KCNMA1: variants seen among roughly 807,000 people sequenced by gnomAD.
The protein encoded by KCNMA1 is potassium calcium-activated channel subfamily M alpha 1, also known as Calcium-activated potassium channel subunit alpha-1.
A neutral mutation model predicts 140.0 loss-of-function variants in KCNMA1; 29 were observed. The observed-to-expected ratio is 0.21, with a 90% CI of 0.15 to 0.28. KCNMA1 has a LOEUF of 0.28. Among genes scored for constraint, KCNMA1 ranks in the 10% least tolerant of loss-of-function variants. The pLI, the probability that KCNMA1 is intolerant of heterozygous loss-of-function variation, is 1.00. For synonymous variants in KCNMA1, 612 were observed against 611.9 expected, an observed-to-expected ratio of 1.00 and a Z score of 0.00; for missense variants, 880 against 1,602.2, an observed-to-expected ratio of 0.55 and a Z score of 7.70.
intron 18 of KCNMA1, chr10:77,008,270 G>A (rs758944576): frequency 7.0e-7 from 1 of 1,421,564 alleles, no homozygotes; most frequent in East Asian, 2.5e-5. Flanking sequence ...TCAAAGATAT[G>A]TCAATGATTT....
At chr10:77,249,426 C>A (rs1316856145) in intron 3 of KCNMA1, 1 of 151,924 alleles carries the variant, frequency 6.6e-6, no homozygotes, top group Non-Finnish European at 1.5e-5. Context: ...AGACACAATC[C>A]AAATCCATCT....
rs144186319 is a variant in KCNMA1, at chr10:77,162,588, G to A, written c.808+20833C>T. Among the ~76,000 whole-genome samples the A allele has an allele frequency of 3.7e-3, 561 of 152,212 alleles. 3 individuals are homozygous for A. The highest frequency in any genetic ancestry group is 0.013 in the African/African-American group (536 of 41,522). On this transcript the variant is annotated intron_variant, in intron 5 of 27. Coordinates refer to ENST00000286628, the MANE Select transcript of KCNMA1 (RefSeq NM_001161352.2). ...ATCAAGATAAAGACCTGGAAGACCC[G>A]AGCCAAAAGGAAGGAGCTGGAATTT...
At chr10:77,337,233 T>C (rs2089392100) in intron 2 of KCNMA1, among the ~76,000 whole-genome samples, 1 of 152,186 alleles carries the variant, frequency 6.6e-6, no homozygotes, top group African/African-American at 2.4e-5. Context: ...CCCTAATGTT[T>C]TGACTTTAGA....
chr10:76,881,286 A>G (rs556773743), downstream of KCNMA1, among the ~76,000 whole-genome samples: 1 of 152,340 alleles, frequency 6.6e-6, no homozygotes, highest in East Asian at 1.9e-4. Flanking sequence ...TAGCAAATTT[A>G]TCTTAGCTTC....
At chr10:77,578,570 G>A (rs1352829495) in intron 1 of KCNMA1, among the ~76,000 whole-genome samples, 1 of 152,178 alleles carries the variant, frequency 6.6e-6, no homozygotes, top group Non-Finnish European at 1.5e-5. Context: ...GGCTGCTGGT[G>A]CTGTGAGCCT....
At chr10:76,954,356 A>C (rs1369551223) in intron 20 of KCNMA1, among the ~76,000 whole-genome samples, 1 of 152,208 alleles carries the variant, frequency 6.6e-6, no homozygotes, top group Non-Finnish European at 1.5e-5. Flanking sequence ...AGAGGAAGGA[A>C]TAGGAATAGA....
chr10:77,152,875 G>T (rs2098440233), intron 5 of KCNMA1, among the ~76,000 whole-genome samples: 1 of 152,158 alleles, frequency 6.6e-6, no homozygotes, highest in Non-Finnish European at 1.5e-5. Context: ...AGGCTTAAAT[G>T]AAGCGGCGGA....
At chr10:77,513,647 TGA>T (rs1241641915) in intron 1 of KCNMA1, among the ~76,000 whole-genome samples, 2 of 152,208 alleles carry the variant, frequency 1.3e-5, no homozygotes, top group African/African-American at 2.4e-5. Context: ...AGAATGAAGC[TGA>T]GAGATTTCAA....
intron 20 of KCNMA1, among the ~76,000 whole-genome samples, chr10:76,964,243 T>C (rs2072955995): frequency 6.6e-6 from 1 of 152,056 alleles, no homozygotes; most frequent in African/African-American, 2.4e-5. Flanking sequence ...CTAGGGTCCT[T>C]TTCAATTTCT....
chr10:76,921,562 A>G (rs2055788855), intron 23 of KCNMA1, among the ~76,000 whole-genome samples: 1 of 152,364 alleles, frequency 6.6e-6, no homozygotes, highest in African/African-American at 2.4e-5. Context: ...GGCTTATATC[A>G]TGAGACTCAA....
At chr10:76,891,796 C>T (rs1187481233) in intron 25 of KCNMA1, 77 bp from the exon 26 acceptor site, 1 of 1,248,632 alleles carries the variant, frequency 8.0e-7, no homozygotes, top group African/African-American at 1.5e-5. Context: ...ATCCAAATTA[C>T]AACTTTTCTT....
At chr10:77,607,982 C>T (rs2085172470) in intron 1 of KCNMA1, among the ~76,000 whole-genome samples, 1 of 152,064 alleles carries the variant, frequency 6.6e-6, no homozygotes, top group African/African-American at 2.4e-5. Context: ...TATTGTCATC[C>T]TCTTTCCTCC....
downstream of KCNMA1, among the ~76,000 whole-genome samples, chr10:76,881,877 T>C (rs2034815598): frequency 6.6e-6 from 1 of 152,156 alleles, no homozygotes; most frequent in African/African-American, 2.4e-5. Flanking sequence ...TGGTGTTATT[T>C]CTGGGGAGCT....
chr10:77,297,312 C>G (rs1480135525), intron 2 of KCNMA1, among the ~76,000 whole-genome samples: 1 of 152,208 alleles, frequency 6.6e-6, no homozygotes, highest in Non-Finnish European at 1.5e-5. Context: ...CACATTTCAT[C>G]TACAGGACAT....
chr10:76,951,743 C>T (rs1396622708), intron 21 of KCNMA1, among the ~76,000 whole-genome samples: 1 of 152,160 alleles, frequency 6.6e-6, no homozygotes, highest in Non-Finnish European at 1.5e-5. Context: ...CTCTTTCTAG[C>T]CTACAATGCT....
chr10:77,426,995 T>C (rs935833925), intron 1 of KCNMA1, among the ~76,000 whole-genome samples: 3 of 152,266 alleles, frequency 2.0e-5, no homozygotes, highest in African/African-American at 7.2e-5. Context: ...TTTGATATCC[T>C]GTATTTTTTA....
intron 1 of KCNMA1, among the ~76,000 whole-genome samples, chr10:77,564,410 T>C (rs929664060): frequency 6.6e-6 from 1 of 152,040 alleles, no homozygotes; most frequent in East Asian, 1.9e-4. Flanking sequence ...CCATCTCTAC[T>C]AAAAATACAA....
chr10:76,928,767 C>T (rs1033974777), intron 23 of KCNMA1, among the ~76,000 whole-genome samples: 5 of 152,244 alleles, frequency 3.3e-5, no homozygotes, highest in Non-Finnish European at 5.9e-5. Flanking sequence ...CCGATCAACG[C>T]GCCATCCCTC....
intron 1 of KCNMA1, among the ~76,000 whole-genome samples, chr10:77,428,047 A>G (rs1461596615): frequency 3.9e-5 from 6 of 152,096 alleles, no homozygotes; most frequent in Non-Finnish European, 8.8e-5. Flanking sequence ...CACCATGCCC[A>G]GCTCTAAGCA....
Sources: gnomAD v4.1 joint callset for allele counts (sites outside exome capture counted in the v4.1 genomes callset) on GRCh38, gnomAD v4.1.1 for gene constraint, MANE v1.5 for transcripts, NCBI Gene and HGNC (gene_info 2026-07-23, HGNC 2026-07-21) for gene names.